Variants in DLG2 observed in about 807,000 individuals in gnomAD.
DLG2 encodes the protein disks large homolog 2.
Under a neutral mutation model 132.5 loss-of-function variants are expected in DLG2, and 45 were observed. The observed-to-expected ratio is 0.34, with a 90% CI of 0.27 to 0.44. The LOEUF (loss-of-function observed/expected upper bound fraction) is 0.44, where lower values mean the gene tolerates loss of function less well. Ranked by LOEUF, DLG2 falls within the 20% of genes least tolerant of loss-of-function variation. The pLI is 1.00. For synonymous variants in DLG2, 424 were observed against 419.6 expected, an observed-to-expected ratio of 1.01 and a Z score of -0.13; for missense variants, 1,045 against 1,196.9, an observed-to-expected ratio of 0.87 and a Z score of 1.87.
At chr11:83,607,132 T>C (rs2059466196) in intron 19 of DLG2, among the ~76,000 whole-genome samples, 1 of 152,116 alleles carries the variant, frequency 6.6e-6, no homozygotes, top group African/African-American at 2.4e-5. Flanking sequence ...CAGTAACAGC[T>C]GGATTGGTTA....
In DLG2 at chr11:84,159,097, CTA is replaced by C. The variant is rs2095491692; in HGVS notation, c.624+4362_624+4363del. 2.6e-5 allele frequency among the ~76,000 whole-genome samples: 4 copies of C among 152,148 alleles called. No individual in the cohort carries two copies. In the South Asian group the frequency reaches 8.3e-4, roughly 31 times the overall value. On this transcript the variant is annotated intron_variant, in intron 9 of 27. Coordinates refer to ENST00000376104, the MANE Select transcript of DLG2 (RefSeq NM_001142699.3). Reference sequence around the variant, plus strand: ...TGGATTCAAACCAGGCCATGTGCGTCTATGTTACTGTCCTTCCAGTAATACAA... The same window carrying C: ...TGGATTCAAACCAGGCCATGTGCGTCTGTTACTGTCCTTCCAGTAATACAA...
chr11:83,979,866 C>T (rs2092628699), intron 12 of DLG2, among the ~76,000 whole-genome samples: 1 of 152,136 alleles, frequency 6.6e-6, no homozygotes, highest in African/African-American at 2.4e-5. Context: ...AGTAATTGCT[C>T]TCCCTAATAG....
intron 6 of DLG2, among the ~76,000 whole-genome samples, chr11:85,089,197 T>G (rs976345743): frequency 1.3e-5 from 2 of 152,150 alleles, no homozygotes; most frequent in Non-Finnish European, 2.9e-5. Context: ...TATTGCATGA[T>G]GCTGATGTTT....
intron 3 of DLG2, among the ~76,000 whole-genome samples, chr11:85,403,281 A>G (rs944553879): frequency 6.6e-6 from 1 of 152,050 alleles, no homozygotes; most frequent in Non-Finnish European, 1.5e-5. Flanking sequence ...TCATAGGTGG[A>G]GTTGAACAAC....
chr11:84,578,308 G>T (rs2099508201), intron 6 of DLG2, among the ~76,000 whole-genome samples: 1 of 152,080 alleles, frequency 6.6e-6, no homozygotes, highest in Admixed American at 6.6e-5. Flanking sequence ...ACCCCAGAAT[G>T]GTAGATCCAC....
At chr11:85,216,821 G>GA in intron 4 of DLG2, among the ~76,000 whole-genome samples, 1 of 151,742 alleles carries the variant, frequency 6.6e-6, no homozygotes, top group Non-Finnish European at 1.5e-5. Flanking sequence ...TCAGCCTCCC[G>GA]AATAGCTGGG....
chr11:85,332,844 G>A (rs2152842402), intron 3 of DLG2, among the ~76,000 whole-genome samples: 1 of 152,228 alleles, frequency 6.6e-6, no homozygotes, highest in South Asian at 2.1e-4. Flanking sequence ...TGTTATTTTG[G>A]TTACTGTAGA....
chr11:84,793,671 C>T (rs1282495241), intron 6 of DLG2, among the ~76,000 whole-genome samples: 2 of 152,110 alleles, frequency 1.3e-5, no homozygotes, highest in Non-Finnish European at 2.9e-5. Context: ...CCTTGTTTCT[C>T]CTTACAGTTT....
rs1677762085 is a variant in DLG2, at chr11:84,679,342, A to C, written c.358-144611T>G. On this transcript the variant is annotated intron_variant, in intron 6 of 27. Coordinates refer to ENST00000376104, the MANE Select transcript of DLG2 (RefSeq NM_001142699.3). ...ATGTCAATATATAGAGATTTTCAGG[A>C]ATGTTTGCAAATGATGACAGATTCC... 2.0e-5 allele frequency among the ~76,000 whole-genome samples: 3 copies of C among 152,100 alleles called. No individual in the cohort carries two copies. In the South Asian group the frequency reaches 6.2e-4, roughly 31 times the overall value.
At chr11:84,155,250 C>T (rs1433333016) in intron 9 of DLG2, among the ~76,000 whole-genome samples, 1 of 152,142 alleles carries the variant, frequency 6.6e-6, no homozygotes, top group Non-Finnish European at 1.5e-5. Context: ...AATGTATGCC[C>T]TTCTTTAGGT....
intron 6 of DLG2, among the ~76,000 whole-genome samples, chr11:84,764,762 G>T (rs1022148864): frequency 1.3e-5 from 2 of 152,044 alleles, no homozygotes; most frequent in African/African-American, 2.4e-5. Context: ...TTGAACATTG[G>T]CTACATTGTA....
chr11:84,456,849 T>G (rs569814069), intron 7 of DLG2, among the ~76,000 whole-genome samples: 37 of 151,426 alleles, frequency 2.4e-4, no homozygotes, highest in Middle Eastern at 3.4e-3. Flanking sequence ...CTTGATGTAT[T>G]GTAGATGCTC....
At chr11:84,625,916 A>T (rs1355304259) in intron 6 of DLG2, among the ~76,000 whole-genome samples, 1 of 152,200 alleles carries the variant, frequency 6.6e-6, no homozygotes. Flanking sequence ...TAAATTTTAA[A>T]TGTGAAATTT....
intron 18 of DLG2, among the ~76,000 whole-genome samples, chr11:83,653,925 G>A (rs1390603872): frequency 6.6e-6 from 1 of 152,102 alleles, no homozygotes; most frequent in Non-Finnish European, 1.5e-5. Flanking sequence ...TCAACATGTT[G>A]GCCATGCTCG....
chr11:84,274,401 C>G (rs532813178), intron 7 of DLG2, among the ~76,000 whole-genome samples: 24 of 152,302 alleles, frequency 1.6e-4, no homozygotes, highest in African/African-American at 5.3e-4. Flanking sequence ...GAGAGAAACT[C>G]ACAGCATAAT....
chr11:84,562,993 C>G (rs1565309996), intron 6 of DLG2, among the ~76,000 whole-genome samples: 1 of 152,094 alleles, frequency 6.6e-6, no homozygotes, highest in South Asian at 2.1e-4. Flanking sequence ...CTCAAGTGAT[C>G]CTCTCGCCTC....
intron 6 of DLG2, among the ~76,000 whole-genome samples, chr11:84,875,364 C>T (rs932213584): frequency 6.6e-6 from 1 of 151,990 alleles, no homozygotes; most frequent in Non-Finnish European, 1.5e-5. Context: ...AAGAAATTAT[C>T]CCACCTTGGG....
chr11:83,580,707 A>T (rs550824513), intron 19 of DLG2, among the ~76,000 whole-genome samples: 30 of 152,262 alleles, frequency 2.0e-4, no homozygotes, highest in African/African-American at 6.0e-4. Flanking sequence ...AAATTCTCAC[A>T]GGAATTGCTG....
chr11:85,422,598 C>T lies in DLG2; in HGVS notation c.41-137233G>A, dbSNP rs530018835. On this transcript the variant is annotated intron_variant, in intron 3 of 27. Transcript: ENST00000376104. Reference sequence around the variant, plus strand: ...TGTTTCTTTGTTTTTTGAGATGATTCTCTTGCCTCAGCCTCTGGAATAGTG... The same window carrying T: ...TGTTTCTTTGTTTTTTGAGATGATTTTCTTGCCTCAGCCTCTGGAATAGTG... Among the ~76,000 whole-genome samples, 5 of 151,646 alleles carry T rather than the reference C, an allele frequency of 3.3e-5. No homozygotes were observed. In the South Asian group the frequency reaches 8.3e-4, roughly 25 times the overall value.
Sources: gnomAD v4.1 joint callset for allele counts (sites outside exome capture counted in the v4.1 genomes callset) on GRCh38, gnomAD v4.1.1 for gene constraint, MANE v1.5 for transcripts, NCBI Gene and HGNC (gene_info 2026-07-23, HGNC 2026-07-21) for gene names.